Variants in MORN1 observed in about 807,000 individuals in gnomAD.
The protein encoded by MORN1 is MORN repeat containing 1, also known as MORN repeat-containing protein 1.
A neutral mutation model predicts 61.9 loss-of-function variants in MORN1; 67 were observed. The observed-to-expected ratio is 1.08, with a 90% CI of 0.89 to 1.33. The LOEUF (loss-of-function observed/expected upper bound fraction) is 1.33. MORN1 is among the 40% of genes most tolerant of loss of function. The pLI is 0.00. For missense variants in MORN1, 752 were observed against 691.2 expected, an observed-to-expected ratio of 1.09 and a Z score of -0.99; for synonymous variants, 301 against 292.0, an observed-to-expected ratio of 1.03 and a Z score of -0.31.
intron 8 of MORN1, among the ~76,000 whole-genome samples, chr1:2,366,877 C>T (rs1226663827): frequency 6.6e-6 from 1 of 152,032 alleles, no homozygotes; most frequent in Non-Finnish European, 1.5e-5. Context: ...ATGCTACTCT[C>T]AATAACTGAT....
intron 12 of MORN1, among the ~76,000 whole-genome samples, chr1:2,325,140 C>CTCCCTCCCTTCCTTCCT (rs1640986618): frequency 3.0e-4 from 2 of 6,696 alleles, no homozygotes; most frequent in Non-Finnish European, 4.9e-4. Context: ...CCTTCCCTCC[C>CTCCCTCCCTTCCTTCCT]TCCCTCCCTT....
chr1:2,375,878 T>A (rs954412317), intron 6 of MORN1: 50 of 152,430 alleles, frequency 3.3e-4, no homozygotes, highest in African/African-American at 1.2e-3. Flanking sequence ...AGCGCACCAC[T>A]GACGTCACCC....
Position 2,372,260 on chromosome 1 carries a change from T to C in MORN1, c.745+221A>G, listed in dbSNP as rs1278640283. Reference sequence around the variant, plus strand: ...GCACACACATACAGGAGCACGCACATCACACAATATGTGCACACATGCTTG... The same window carrying C: ...GCACACACATACAGGAGCACGCACACCACACAATATGTGCACACATGCTTG... On this transcript the variant is annotated intron_variant, in intron 8 of 13. Transcript: ENST00000378531. This position sits in a 1 kb window ranked among gnomAD's most constrained non-coding sequence, Gnocchi z 5.4. 3 of 528,912 alleles carry C rather than the reference T, an allele frequency of 5.7e-6. No individual in the cohort carries two copies. The highest frequency in any genetic ancestry group is 1.0e-5 in the Non-Finnish European group (3 of 290,938). The allele number at this position is 528,912 out of a possible 1,614,324, so 32.8% of individuals were successfully genotyped here. A position where few individuals can be genotyped will look rare whatever the true frequency, so the allele number is the denominator to read the frequency against.
chr1:2,321,693 G>C, intron 13 of MORN1, 114 bp from the exon 14 acceptor site: 8 of 1,322,474 alleles, frequency 6.0e-6, no homozygotes, highest in Non-Finnish European at 7.9e-6. Flanking sequence ...CCCGACCCTG[G>C]TCATCTCTGC....
intron 6 of MORN1, chr1:2,378,673 T>G (rs114064554): frequency 6.3e-6 from 2 of 319,754 alleles, no homozygotes; most frequent in Non-Finnish European, 1.2e-5. Context: ...CCAACATGGG[T>G]AGGAGACACT....
At position 2,334,555 on chromosome 1, in the gene MORN1, T is replaced by G. The variant is rs1318181985; in HGVS notation, c.1250+1914A>C. 1.3e-5 allele frequency among the ~76,000 whole-genome samples: 2 copies of G among 152,016 alleles called. No homozygotes were observed. Among genetic ancestry groups the G allele is most frequent in the Non-Finnish European group, 1.5e-5 (1 of 67,980 alleles). ...TGGGGGAGCAGGCCTGGTTTTGGGC[T>G]GCCTGTCCCAACACGACGAGAGGGC... On this transcript the variant is annotated intron_variant, in intron 12 of 13. Transcript: ENST00000378531. The surrounding 1 kb of genome is among the most constrained non-coding windows in gnomAD (Gnocchi z 5.4).
Position 2,389,906 on chromosome 1 carries a change from G to C in MORN1, c.148+19C>G, listed in dbSNP as rs781553165. ...CTGTGGGGCAGCAGCTGCAAGAAGA[G>C]ACCACAGATGCTTCTCACCGTGCTT... On this transcript the variant is annotated intron_variant, in intron 2 of 13. Transcript: ENST00000378531. The C allele has an allele frequency of 6.2e-7, 1 of 1,611,520 alleles. No individual in the cohort carries two copies.
In MORN1 at chr1:2,357,343, C is replaced by T; in HGVS notation, c.1036+89G>A. 6 of 1,441,442 alleles carry T rather than the reference C, an allele frequency of 4.2e-6. No individual in the cohort carries two copies. The highest frequency in any genetic ancestry group is 1.4e-5 in the African/African-American group (1 of 70,456). The allele number at this position is 1,441,442 out of a possible 1,614,324, so 89.3% of individuals were successfully genotyped here. On this transcript the variant is annotated intron_variant, in intron 10 of 13. Transcript: ENST00000378531. The surrounding 1 kb of genome is among the most constrained non-coding windows in gnomAD (Gnocchi z 6.3). Reference sequence around the variant, plus strand: ...TGGGTGCGGCTTGCTCCTGCTCTGGCCTGGTTCTGGGTCCCCATGACCCCA... The same window carrying T: ...TGGGTGCGGCTTGCTCCTGCTCTGGTCTGGTTCTGGGTCCCCATGACCCCA...
At chr1:2,370,591 T>C (rs1642093947) in intron 8 of MORN1, among the ~76,000 whole-genome samples, 1 of 152,146 alleles carries the variant, frequency 6.6e-6, no homozygotes, top group African/African-American at 2.4e-5. Flanking sequence ...AAGACATATC[T>C]GATAAAGGAC....
intron 12 of MORN1, among the ~76,000 whole-genome samples, chr1:2,331,862 C>A (rs1336460660): frequency 7.2e-6 from 1 of 138,126 alleles, no homozygotes; most frequent in Non-Finnish European, 1.6e-5. Flanking sequence ...GCCCCTGCGC[C>A]TCTCCCTCGT....
intron 6 of MORN1, among the ~76,000 whole-genome samples, chr1:2,381,223 C>A (rs1018814435): frequency 6.6e-6 from 1 of 152,252 alleles, no homozygotes; most frequent in Non-Finnish European, 1.5e-5. Flanking sequence ...TGGGAGGCGG[C>A]CCCGGCCCAG....
chr1:2,348,328 G>C (rs958070949), intron 10 of MORN1, among the ~76,000 whole-genome samples: 1 of 152,194 alleles, frequency 6.6e-6, no homozygotes, highest in African/African-American at 2.4e-5. Context: ...CTCAGCCCAC[G>C]CTGCCAGGTG....
intron 12 of MORN1, among the ~76,000 whole-genome samples, chr1:2,325,330 T>TA (rs1403250992): frequency 6.7e-6 from 1 of 149,336 alleles, no homozygotes; most frequent in East Asian, 2.0e-4. Context: ...TTTCTCTAGA[T>TA]AGAGTCTGGC....
Position 2,329,041 on chromosome 1 carries a change from G to T in MORN1, c.1251-4898C>A, listed in dbSNP as rs553885646. On this transcript the variant is annotated intron_variant, in intron 12 of 13. Coordinates refer to ENST00000378531, the MANE Select transcript of MORN1 (RefSeq NM_024848.3). Reference sequence around the variant, plus strand: ...CCCAAGCCTTGGGGAGGTGCCCACCGTGGACACCCAGGTGCCCTGTCCCCA... The same window carrying T: ...CCCAAGCCTTGGGGAGGTGCCCACCTTGGACACCCAGGTGCCCTGTCCCCA... Among the ~76,000 whole-genome samples, 222 of 152,342 alleles carry T rather than the reference G, an allele frequency of 1.5e-3. 1 individual carries two copies. Among genetic ancestry groups the T allele is most frequent in the African/African-American group, 4.7e-3 (197 of 41,576 alleles).
At chr1:2,385,512 T>C (rs963717749) in intron 5 of MORN1, 6 of 333,700 alleles carry the variant, frequency 1.8e-5, no homozygotes, top group African/African-American at 7.3e-5. Flanking sequence ...TGGTGCCACT[T>C]TGCCGCCAGC....
intron 10 of MORN1, among the ~76,000 whole-genome samples, chr1:2,345,531 G>A (rs1343853829): frequency 3.3e-5 from 5 of 152,210 alleles, no homozygotes; most frequent in African/African-American, 9.7e-5. Context: ...CCCTCAGGCC[G>A]CTCAGAGGGC....
chr1:2,323,289 G>A, intron 13 of MORN1: 1 of 985,398 alleles, frequency 1.0e-6, no homozygotes, highest in South Asian at 4.7e-5. Flanking sequence ...GGCTCTGCTT[G>A]TTCTCCCGCT....
chr1:2,332,792 TG>T (rs771259582), intron 12 of MORN1: 1 of 454,244 alleles, frequency 2.2e-6, no homozygotes, highest in South Asian at 1.6e-5. Flanking sequence ...AGTGAGGCTT[TG>T]GGGCTTGTGC....
intron 4 of MORN1, 76 bp from the exon 5 acceptor site, chr1:2,385,973 T>C (rs772611112): frequency 1.5e-5 from 20 of 1,335,752 alleles, no homozygotes; most frequent in South Asian, 7.0e-5. Context: ...CCTCCGCTCC[T>C]TGGAGGGCGG....
Sources: gnomAD v4.1 joint callset for allele counts (sites outside exome capture counted in the v4.1 genomes callset) on GRCh38, gnomAD v4.1.1 for gene constraint, Gnocchi (gnomAD v3.1) non-coding constraint, MANE v1.5 for transcripts, NCBI Gene and HGNC (gene_info 2026-07-23, HGNC 2026-07-21) for gene names.